GRID2: variants seen among roughly 807,000 people sequenced by gnomAD.
GRID2 encodes glutamate receptor ionotropic, delta-2.
In GRID2, 33 loss-of-function variants were observed where a neutral mutation model predicts 114.8. That is an observed-to-expected ratio of 0.29 (90% CI 0.22 to 0.38). The LOEUF is 0.38. Among genes scored for constraint, GRID2 ranks in the 10% least tolerant of loss-of-function variants. The pLI, the probability that GRID2 is intolerant of heterozygous loss-of-function variation, is 1.00. For missense variants in GRID2, 1,184 were observed against 1,257.7 expected (o/e 0.94, Z 0.89); for synonymous variants, 505 against 449.9 (o/e 1.12, Z -1.55).
chr4:92,498,060 A>G (rs1424910509), intron 1 of GRID2, among the ~76,000 whole-genome samples: 1 of 151,936 alleles, frequency 6.6e-6, no homozygotes, highest in African/African-American at 2.4e-5. Flanking sequence ...TCATTGCTCA[A>G]AATAAAATGA....
At chr4:92,625,960 T>C (rs531251297) in intron 2 of GRID2, among the ~76,000 whole-genome samples, 4 of 152,138 alleles carry the variant, frequency 2.6e-5, no homozygotes, top group Non-Finnish European at 4.4e-5. Flanking sequence ...CATTTTAAAA[T>C]TCTGTTTTAC....
chr4:92,830,269 A>C, intron 2 of GRID2, among the ~76,000 whole-genome samples: 1 of 151,982 alleles, frequency 6.6e-6, no homozygotes, highest in East Asian at 1.9e-4. Flanking sequence ...ATCATGCAGT[A>C]AGTAGGACAA....
intron 2 of GRID2, among the ~76,000 whole-genome samples, chr4:92,934,740 T>G (rs1290155519): frequency 1.4e-5 from 2 of 146,520 alleles, no homozygotes; most frequent in East Asian, 2.2e-4. Flanking sequence ...ACTGCATGTC[T>G]ACAACTATCT....
chr4:93,077,236 G>C (rs779872195), intron 2 of GRID2, among the ~76,000 whole-genome samples: 1 of 152,142 alleles, frequency 6.6e-6, no homozygotes, highest in African/African-American at 2.4e-5. Flanking sequence ...TGAGATGGAG[G>C]AGCATGGGAA....
chr4:92,950,785 G>A (rs957297537), intron 2 of GRID2, among the ~76,000 whole-genome samples: 2 of 152,136 alleles, frequency 1.3e-5, no homozygotes, highest in African/African-American at 4.8e-5. Flanking sequence ...TTCGTGTAGT[G>A]TGTACTAGAA....
At chr4:93,559,392 A>G (rs1020183730) in intron 13 of GRID2, among the ~76,000 whole-genome samples, 1 of 152,204 alleles carries the variant, frequency 6.6e-6, no homozygotes, top group African/African-American at 2.4e-5. Context: ...ATTTACAGGA[A>G]AAAACCCCAT....
chr4:92,554,292 G>C (rs6532375), intron 1 of GRID2, among the ~76,000 whole-genome samples: 33,806 of 152,058 alleles, frequency 0.22, 4,645 homozygotes, highest in African/African-American at 0.39. Context: ...AAGAAACAGA[G>C]AAATCGAGTA....
intron 2 of GRID2, among the ~76,000 whole-genome samples, chr4:92,769,056 C>A (rs1460867932): frequency 6.6e-6 from 1 of 152,146 alleles, no homozygotes; most frequent in African/African-American, 2.4e-5. Flanking sequence ...CAAGGCAAGC[C>A]CCTTCTGCCT....
intron 2 of GRID2, among the ~76,000 whole-genome samples, chr4:92,905,534 C>A (rs1747881258): frequency 6.6e-6 from 1 of 151,906 alleles, no homozygotes; most frequent in Non-Finnish European, 1.5e-5. Flanking sequence ...TTGAAATGTT[C>A]TGGAAGTGTT....
At chr4:92,931,115 A>T (rs1054212128) in intron 2 of GRID2, among the ~76,000 whole-genome samples, 8 of 151,020 alleles carry the variant, frequency 5.3e-5, no homozygotes, top group Non-Finnish European at 1.2e-4. Context: ...TCCTTAAAAA[A>T]ATTCCAAAGT....
At chr4:92,860,063 A>G (rs750462205) in intron 2 of GRID2, among the ~76,000 whole-genome samples, 14 of 152,170 alleles carry the variant, frequency 9.2e-5, no homozygotes, top group Non-Finnish European at 2.1e-4. Context: ...CACAAATATC[A>G]TTTTATGCAA....
chr4:92,670,293 C>T (rs1184781374), intron 2 of GRID2, among the ~76,000 whole-genome samples: 1 of 151,954 alleles, frequency 6.6e-6, no homozygotes, highest in African/African-American at 2.4e-5. Context: ...CATTAGGTAG[C>T]ATTTAGCAAA....
intron 8 of GRID2, among the ~76,000 whole-genome samples, chr4:93,383,321 A>T (rs955720428): frequency 6.6e-6 from 1 of 152,182 alleles, no homozygotes; most frequent in African/African-American, 2.4e-5. Flanking sequence ...CCTTTTGCCC[A>T]TGCTGGCTTT....
chr4:93,168,807 G>A (rs968995521), intron 4 of GRID2, among the ~76,000 whole-genome samples: 5 of 152,058 alleles, frequency 3.3e-5, no homozygotes, highest in Non-Finnish European at 5.9e-5. Flanking sequence ...AATCAACCCA[G>A]TTTCTGGCAT....
intron 8 of GRID2, among the ~76,000 whole-genome samples, chr4:93,280,135 T>C (rs1752502245): frequency 1.3e-5 from 2 of 151,928 alleles, no homozygotes; most frequent in African/African-American, 2.4e-5. Flanking sequence ...TTGTGACCTA[T>C]TGATTGCAAG....
intron 2 of GRID2, among the ~76,000 whole-genome samples, chr4:92,681,214 G>A (rs1733631743): frequency 6.6e-6 from 1 of 152,148 alleles, no homozygotes. Flanking sequence ...CAGGGACAGG[G>A]AACACATCAG....
At chr4:92,398,259 A>G (rs1730604057) in intron 1 of GRID2, among the ~76,000 whole-genome samples, 1 of 152,212 alleles carries the variant, frequency 6.6e-6, no homozygotes, top group Non-Finnish European at 1.5e-5. Flanking sequence ...AAAGAGCAGC[A>G]TGTATCAAAT....
intron 1 of GRID2, among the ~76,000 whole-genome samples, chr4:92,330,612 C>T (rs886838280): frequency 6.6e-6 from 1 of 151,928 alleles, no homozygotes; most frequent in African/African-American, 2.4e-5. Flanking sequence ...ATTCATTATT[C>T]CAAAAAGAAT....
At chr4:93,175,705 G>C (rs1739290341) in intron 4 of GRID2, among the ~76,000 whole-genome samples, 1 of 152,158 alleles carries the variant, frequency 6.6e-6, no homozygotes, top group African/African-American at 2.4e-5. Flanking sequence ...CTCATGGAAA[G>C]AAGAATTCGA....
Sources: allele counts gnomAD v4.1 joint callset (sites outside exome capture counted in the v4.1 genomes callset), GRCh38; gene constraint gnomAD v4.1.1; transcripts MANE v1.5; gene names NCBI Gene and HGNC (gene_info 2026-07-23, HGNC 2026-07-21).